Variants in R3HCC1L observed in about 807,000 individuals in gnomAD.
R3HCC1L encodes R3H domain and coiled-coil containing 1 like.
R3HCC1L carries 51 observed loss-of-function variants against 59.9 expected under a neutral mutation model. The observed-to-expected ratio is 0.85, with a 90% CI of 0.68 to 1.07. R3HCC1L has a LOEUF of 1.07. R3HCC1L is among the 50% of genes least tolerant of loss of function. The pLI is 0.00. For missense variants in R3HCC1L, 965 were observed against 933.0 expected (o/e 1.03, Z -0.45); for synonymous variants, 322 against 315.2 (o/e 1.02, Z -0.23).
Position 98,231,554 on chromosome 10 carries a change from A to C in R3HCC1L, c.1828A>C (p.Arg610=). The C allele has an allele frequency of 6.2e-7, 1 of 1,613,360 alleles. No homozygotes were observed. The highest frequency in any genetic ancestry group is 8.5e-7 in the Non-Finnish European group (1 of 1,179,580). Residue 610 remains arginine, a synonymous_variant, in exon 6 of 10, where the codon AGA becomes CGA. Coordinates refer to ENST00000298999, the MANE Select transcript of R3HCC1L (RefSeq NM_001351015.2). ...GAGCAGAGAGAGCATCCAGGAACCT[A>C]GATCTGATTACTACAATCATGAAGT... ...TKSRESIQEP[R]SDYYNHEVPD... is the part of the protein sequence containing the mutation.
intron 1 of R3HCC1L, among the ~76,000 whole-genome samples, chr10:98,151,915 T>TCTCC (rs1480675175): frequency 1.3e-5 from 2 of 152,022 alleles, no homozygotes; most frequent in African/African-American, 4.8e-5. Flanking sequence ...GCTCTCTCTC[T>TCTCC]CTCCCTCTCC....
At chr10:98,150,267 C>T (rs565907900) in intron 1 of R3HCC1L, among the ~76,000 whole-genome samples, 60 of 152,248 alleles carry the variant, frequency 3.9e-4, no homozygotes, top group African/African-American at 1.4e-3. Context: ...TTGGAGGGTT[C>T]CCAAATTGCT....
chr10:98,210,522 A>G lies in R3HCC1L; in HGVS notation c.1785+623A>G, dbSNP rs145759132. ...CTCAGTTCAGTCTTTTTGTTTTCTT[A>G]ATTTAAATGTTTACTCTGTATCCAA... On this transcript the variant is annotated intron_variant, in intron 5 of 9. Transcript: ENST00000298999. Among the ~76,000 whole-genome samples the G allele has an allele frequency of 3.6e-4, 55 of 152,274 alleles. No individual in the cohort carries two copies. In the East Asian group the frequency reaches 9.9e-3, roughly 27 times the overall value.
At chr10:98,226,317 A>G (rs746365613) in intron 5 of R3HCC1L, among the ~76,000 whole-genome samples, 3 of 152,220 alleles carry the variant, frequency 2.0e-5, no homozygotes, top group Non-Finnish European at 4.4e-5. Flanking sequence ...TTTTACAATA[A>G]CCTCAAAAAG....
intron 9 of R3HCC1L, among the ~76,000 whole-genome samples, chr10:98,240,221 G>A (rs552142015): frequency 6.6e-6 from 1 of 152,242 alleles, no homozygotes; most frequent in Non-Finnish European, 1.5e-5. Context: ...CAGGAGAATC[G>A]CTTGAACCTG....
At chr10:98,186,456 G>C in intron 4 of R3HCC1L, 3 of 934,598 alleles carry the variant, frequency 3.2e-6, no homozygotes, top group Non-Finnish European at 3.8e-6. Context: ...TAATTTCCTT[G>C]TTTTTTCCAG....
chr10:98,148,071 A>G (rs1285458751), intron 1 of R3HCC1L, among the ~76,000 whole-genome samples: 1 of 151,850 alleles, frequency 6.6e-6, no homozygotes, highest in Non-Finnish European at 1.5e-5. Context: ...TTTGGTATCA[A>G]TTTCTGTTTC....
intron 4 of R3HCC1L, among the ~76,000 whole-genome samples, chr10:98,176,000 C>T (rs1848975951): frequency 6.6e-6 from 1 of 152,032 alleles, no homozygotes; most frequent in African/African-American, 2.4e-5. Context: ...AAATGAATTT[C>T]CACTTGTTTC....
At chr10:98,172,980 T>C (rs1470148438) in intron 4 of R3HCC1L, among the ~76,000 whole-genome samples, 1 of 152,216 alleles carries the variant, frequency 6.6e-6, no homozygotes, top group Non-Finnish European at 1.5e-5. Context: ...TTGTGGTACT[T>C]AGGGATGAGG....
intron 1 of R3HCC1L, among the ~76,000 whole-genome samples, chr10:98,135,352 T>C (rs1429672823): frequency 2.6e-5 from 4 of 152,238 alleles, no homozygotes; most frequent in Non-Finnish European, 5.9e-5. Flanking sequence ...ACCTGTGATC[T>C]TTTGTACAGT....
At chr10:98,200,681 T>C (rs950990658) in intron 4 of R3HCC1L, among the ~76,000 whole-genome samples, 3 of 151,872 alleles carry the variant, frequency 2.0e-5, no homozygotes, top group East Asian at 3.9e-4. Flanking sequence ...ATAAATAATA[T>C]TAAGCACAAA....
At chr10:98,181,769 A>C (rs574937527) in intron 4 of R3HCC1L, among the ~76,000 whole-genome samples, 36 of 152,254 alleles carry the variant, frequency 2.4e-4, no homozygotes, top group Admixed American at 2.2e-3. Context: ...TTTGATCTTC[A>C]ATCACAGATA....
At chr10:98,190,632 A>G (rs990152200) in intron 4 of R3HCC1L, among the ~76,000 whole-genome samples, 1 of 152,188 alleles carries the variant, frequency 6.6e-6, no homozygotes, top group Non-Finnish European at 1.5e-5. Flanking sequence ...AGTAGTGCAT[A>G]TATTAAGGGT....
At chr10:98,240,025 G>T (rs576029414) in intron 9 of R3HCC1L, among the ~76,000 whole-genome samples, 1 of 152,214 alleles carries the variant, frequency 6.6e-6, no homozygotes, top group East Asian at 1.9e-4. Flanking sequence ...CAAACTCAGG[G>T]CCAGGCATGG....
chr10:98,172,865 GAAAT>G (rs1397615589), intron 4 of R3HCC1L, among the ~76,000 whole-genome samples: 1 of 152,178 alleles, frequency 6.6e-6, no homozygotes, highest in African/African-American at 2.4e-5. Flanking sequence ...CAAGTAGACA[GAAAT>G]AGTCTTTCAG....
At chr10:98,145,647 G>C (rs1845577542) in intron 1 of R3HCC1L, among the ~76,000 whole-genome samples, 1 of 152,128 alleles carries the variant, frequency 6.6e-6, no homozygotes, top group Admixed American at 6.6e-5. Context: ...AGAACCTGTA[G>C]AGCCACATAA....
At chr10:98,158,020 C>A (rs1290479212) in intron 2 of R3HCC1L, among the ~76,000 whole-genome samples, 2 of 152,104 alleles carry the variant, frequency 1.3e-5, no homozygotes, top group Non-Finnish European at 2.9e-5. Context: ...CCTTTAATTT[C>A]TAAAAATCAT....
At chr10:98,176,034 T>C (rs1248968248) in intron 4 of R3HCC1L, among the ~76,000 whole-genome samples, 1 of 152,164 alleles carries the variant, frequency 6.6e-6, no homozygotes, top group Non-Finnish European at 1.5e-5. Flanking sequence ...GGAAAGACTC[T>C]CTTTTTTCAT....
At chr10:98,234,087 C>A (rs1429804995) in intron 6 of R3HCC1L, among the ~76,000 whole-genome samples, 1 of 148,536 alleles carries the variant, frequency 6.7e-6, no homozygotes, top group Non-Finnish European at 1.5e-5. Context: ...ATATTCTACC[C>A]CTCCTCTGCT....
Sources: allele counts gnomAD v4.1 joint callset (sites outside exome capture counted in the v4.1 genomes callset), GRCh38; gene constraint gnomAD v4.1.1; transcripts MANE v1.5; gene names NCBI Gene and HGNC (gene_info 2026-07-23, HGNC 2026-07-21).